Variants in OTOGL observed in about 807,000 individuals in gnomAD.
The protein encoded by OTOGL is otogelin-like protein.
In OTOGL, 285 loss-of-function variants were observed where a neutral mutation model predicts 318.5. The observed-to-expected ratio is 0.89, with a 90% CI of 0.81 to 0.99. OTOGL has a LOEUF of 0.99. Ranked by LOEUF, OTOGL falls within the 50% of genes least tolerant of loss-of-function variation. OTOGL has a pLI of 0.00. For synonymous variants in OTOGL, 987 were observed against 936.5 expected, an observed-to-expected ratio of 1.05 and a Z score of -0.99; for missense variants, 2,899 against 2,845.6, an observed-to-expected ratio of 1.02 and a Z score of -0.43.
In OTOGL at chr12:80,335,961, A is replaced by G; in HGVS notation, c.4423-2A>G. On this transcript the variant is annotated splice_acceptor_variant, in intron 38 of 58. Coordinates refer to ENST00000547103, the MANE Select transcript of OTOGL (RefSeq NM_001378609.3). LOFTEE classifies it high-confidence loss of function. ...AACCCACTAATCTTTTTTTATTAACAGCCTCAGAAATTTGATCCTGTTTAT... is the reference window on the plus strand; with the variant it reads ...AACCCACTAATCTTTTTTTATTAACGGCCTCAGAAATTTGATCCTGTTTAT... 1 of 1,514,524 alleles carries G rather than the reference A, an allele frequency of 6.6e-7. No homozygotes were observed. The highest frequency in any genetic ancestry group is 8.8e-7 in the Non-Finnish European group (1 of 1,136,962). The allele number at this position is 1,514,524 out of a possible 1,614,324, so 93.8% of individuals were successfully genotyped here.
At chr12:80,266,744 C>T (rs2137566997) in intron 21 of OTOGL, 128 bp downstream of exon 21, 1 of 955,862 alleles carries the variant, frequency 1.0e-6, no homozygotes, top group Non-Finnish European at 1.5e-6. Flanking sequence ...TTTTAAAAAA[C>T]CCTGCAAATG....
chr12:80,175,412 G>A (rs934062463), intron 1 of OTOGL, among the ~76,000 whole-genome samples: 1 of 152,140 alleles, frequency 6.6e-6, no homozygotes, highest in South Asian at 2.1e-4. Flanking sequence ...GCTGAACTGT[G>A]TTTCTAAGGG....
intron 1 of OTOGL, among the ~76,000 whole-genome samples, chr12:80,108,142 G>A (rs1192754398): frequency 6.6e-6 from 1 of 152,038 alleles, no homozygotes; most frequent in African/African-American, 2.4e-5. Flanking sequence ...CTAATATCAG[G>A]AAGTTGGCAA....
At chr12:80,256,558 T>A in intron 17 of OTOGL, 98 bp downstream of exon 17, 1 of 1,429,654 alleles carries the variant, frequency 7.0e-7, no homozygotes, top group Non-Finnish European at 9.3e-7. Context: ...TTCCTAATGT[T>A]AGGCTGACTA....
At chr12:80,283,596 A>G (rs1001438399) in intron 26 of OTOGL, among the ~76,000 whole-genome samples, 1 of 152,052 alleles carries the variant, frequency 6.6e-6, no homozygotes, top group African/African-American at 2.4e-5. Flanking sequence ...GAGCTAGCAC[A>G]ATTATGGCTG....
At chr12:80,377,025 A>G (rs189916769) in intron 57 of OTOGL, 98 bp from the exon 58 acceptor site, 21 of 735,874 alleles carry the variant, frequency 2.9e-5, no homozygotes, top group East Asian at 1.5e-4. Context: ...TTTTATATAA[A>G]TACACCAATT....
At chr12:80,171,207 G>A (rs999108007) in intron 1 of OTOGL, among the ~76,000 whole-genome samples, 1 of 151,920 alleles carries the variant, frequency 6.6e-6, no homozygotes, top group Admixed American at 6.6e-5. Context: ...CAAGTAGATG[G>A]GACTTACAAG....
chr12:80,271,074 G>C (rs1008093007), intron 23 of OTOGL, among the ~76,000 whole-genome samples: 6 of 152,238 alleles, frequency 3.9e-5, no homozygotes, highest in African/African-American at 1.2e-4. Context: ...CACACATTCG[G>C]TAGCTACAGG....
rs1881587785 is a variant in OTOGL, at chr12:80,251,900, G to A, written c.1159+101G>A. On this transcript the variant is annotated intron_variant, in intron 12 of 58. Transcript: ENST00000547103. ...ACTACTCAATACTAATGAATTGCAA[G>A]GATTTGTTATTGAGATATCCATGAA... The A allele has an allele frequency of 5.8e-6, 7 of 1,216,330 alleles. No homozygotes were observed. In the South Asian group the frequency reaches 9.1e-5, roughly 16 times the overall value. 75.3% of individuals were successfully genotyped at this position (1,216,330 alleles called of 1,614,324 possible).
chr12:80,314,959 GAAGT>G (rs2137808454), intron 32 of OTOGL, among the ~76,000 whole-genome samples: 2 of 152,298 alleles, frequency 1.3e-5, no homozygotes, highest in African/African-American at 4.8e-5. Context: ...TATGCTAAGT[GAAGT>G]AAGTCAGGCA....
In OTOGL at chr12:80,186,332, G is replaced by A. The variant is rs919518010; in HGVS notation, c.-19-23081G>A. Among the ~76,000 whole-genome samples, 6 of 151,960 alleles carry A rather than the reference G, an allele frequency of 3.9e-5. No homozygotes were observed. In the East Asian group the frequency reaches 7.7e-4, roughly 20 times the overall value. ...AAGTCCATCTTTCCTACTTAGCCGCGTCTCTCCCATCAGGTGTCATCTTCC... is the reference window on the plus strand; with the variant it reads ...AAGTCCATCTTTCCTACTTAGCCGCATCTCTCCCATCAGGTGTCATCTTCC... On this transcript the variant is annotated intron_variant, in intron 1 of 58. Transcript: ENST00000547103.
chr12:80,254,058 G>T (rs2137511008), intron 14 of OTOGL, among the ~76,000 whole-genome samples: 1 of 152,096 alleles, frequency 6.6e-6, no homozygotes, highest in African/African-American at 2.4e-5. Context: ...TTTTCCCTTT[G>T]GTGTCTGTGT....
At chr12:80,300,927 A>G (rs567278298) in intron 27 of OTOGL, among the ~76,000 whole-genome samples, 1 of 152,350 alleles carries the variant, frequency 6.6e-6, no homozygotes, top group East Asian at 1.9e-4. Flanking sequence ...AGAGAGAGCC[A>G]GTTAACAACA....
intron 29 of OTOGL, among the ~76,000 whole-genome samples, chr12:80,307,593 G>C (rs1886248500): frequency 6.9e-6 from 1 of 145,214 alleles, no homozygotes; most frequent in African/African-American, 2.5e-5. Flanking sequence ...TCCTGGACGG[G>C]GCGGCTGGCT....
chr12:80,343,509 G>GGTTTTTTTTTTTTTTTTTTTGTTTTT, intron 44 of OTOGL: 1 of 35,868 alleles, frequency 2.8e-5, no homozygotes, highest in Non-Finnish European at 5.0e-5. Context: ...TTTTATTCTT[G>GGTTTTTTTTTTTTTTTTTTTGTTTTT]TTTTTTTTTT....
chr12:80,351,723 A>G (rs1278757831), intron 44 of OTOGL, among the ~76,000 whole-genome samples: 3 of 152,184 alleles, frequency 2.0e-5, no homozygotes, highest in Non-Finnish European at 4.4e-5. Context: ...GAGTTGAGAG[A>G]AAAATGGAAT....
chr12:80,215,015 G>A (rs1380332000), intron 4 of OTOGL, among the ~76,000 whole-genome samples: 1 of 152,110 alleles, frequency 6.6e-6, no homozygotes, highest in Non-Finnish European at 1.5e-5. Context: ...GGTGTGCTAG[G>A]GAGTCATTCT....
chr12:80,125,972 G>A (rs1592472529), intron 1 of OTOGL, among the ~76,000 whole-genome samples: 1 of 151,894 alleles, frequency 6.6e-6, no homozygotes, highest in African/African-American at 2.4e-5. Flanking sequence ...CAATTTTGTT[G>A]ATCTTTTCAA....
At chr12:80,197,498 C>T (rs921761221) in intron 1 of OTOGL, among the ~76,000 whole-genome samples, 3 of 152,138 alleles carry the variant, frequency 2.0e-5, no homozygotes, top group Admixed American at 6.5e-5. Context: ...TATGAGCCAC[C>T]GTGCCTGGCC....
Sources: allele counts gnomAD v4.1 joint callset (sites outside exome capture counted in the v4.1 genomes callset), GRCh38; gene constraint gnomAD v4.1.1; transcripts MANE v1.5; gene names NCBI Gene and HGNC (gene_info 2026-07-23, HGNC 2026-07-21).